Variants in RXFP1 observed in about 807,000 individuals in gnomAD.
The protein encoded by RXFP1 is relaxin family peptide receptor 1.
A neutral mutation model predicts 89.8 loss-of-function variants in RXFP1; 73 were observed. The ratio of observed to expected loss-of-function variants is 0.81; its 90% CI spans 0.67 to 0.99. The LOEUF is 0.99. Ranked by LOEUF, RXFP1 falls within the 50% of genes least tolerant of loss-of-function variation. The pLI, the probability that RXFP1 is intolerant of heterozygous loss-of-function variation, is 0.00. For missense variants in RXFP1, 793 were observed against 895.5 expected (o/e 0.89, Z 1.46); for synonymous variants, 277 against 305.5 (o/e 0.91, Z 0.97).
intron 1 of RXFP1, among the ~76,000 whole-genome samples, chr4:158,570,254 G>T (rs1038828337): frequency 1.3e-5 from 2 of 152,182 alleles, no homozygotes; most frequent in African/African-American, 2.4e-5. Context: ...GAGGGGGAAT[G>T]GTAGTGATGG....
At position 158,584,957 on chromosome 4, in the gene RXFP1, A is replaced by T. The variant is rs191215176; in HGVS notation, c.188-8444A>T. On this transcript the variant is annotated intron_variant, in intron 2 of 17. Coordinates refer to ENST00000307765, the MANE Select transcript of RXFP1 (RefSeq NM_021634.4). The stretch of plus-strand genomic sequence containing the variant: ...CGTTGGCAGACATCTAATCACTTGG[A>T]AGGCTCGTTAAAACATAGATTGCTG... 2.0e-5 allele frequency among the ~76,000 whole-genome samples: 3 copies of T among 152,352 alleles called. No homozygotes were observed. The East Asian group carries it at 5.8e-4, about 29-fold the overall frequency.
At chr4:158,632,225 A>G (rs1768186084) in intron 11 of RXFP1, among the ~76,000 whole-genome samples, 1 of 152,230 alleles carries the variant, frequency 6.6e-6, no homozygotes, top group Admixed American at 6.5e-5. Flanking sequence ...AATAGTCTCC[A>G]GGTTCAGTTT....
chr4:158,560,924 C>T (rs1427714663), intron 1 of RXFP1, among the ~76,000 whole-genome samples: 3 of 152,092 alleles, frequency 2.0e-5, no homozygotes, highest in South Asian at 2.1e-4. Flanking sequence ...ACTTCTTTAA[C>T]GGAAGGGCAG....
In RXFP1 at chr4:158,639,267, GA is replaced by G; in HGVS notation, c.1053del (p.Ile353LeufsTer15). On this transcript the variant is annotated frameshift_variant, in exon 14 of 18. Coordinates refer to ENST00000307765, the MANE Select transcript of RXFP1 (RefSeq NM_021634.4). LOFTEE classifies it high-confidence loss of function. ...YLVKLKSLSLEGIEISNIQQR... is the reference protein window; with the variant it reads ...YLVKLKSLSLXGIEISNIQQR... ...TTAATTTGATATTTTTAGCAGCCTA[GA>G]AGGGATTGAAATTTCAAATATCCAA... The G allele has an allele frequency of 6.5e-7, 1 of 1,541,234 alleles. No homozygotes were observed. The highest frequency in any genetic ancestry group is 9.0e-7 in the Non-Finnish European group (1 of 1,113,882).
chr4:158,620,196 A>G (rs1239451188), intron 9 of RXFP1, among the ~76,000 whole-genome samples: 1 of 152,250 alleles, frequency 6.6e-6, no homozygotes, highest in Admixed American at 6.5e-5. Flanking sequence ...CAGCCTTAGC[A>G]GCAGAATGAA....
chr4:158,609,042 G>A (rs1763066303), intron 6 of RXFP1, among the ~76,000 whole-genome samples: 2 of 152,148 alleles, frequency 1.3e-5, no homozygotes, highest in Non-Finnish European at 2.9e-5. Context: ...TCTGTCAGTG[G>A]ACATTTGGGT....
chr4:158,573,278 G>T (rs1439811898), intron 2 of RXFP1, among the ~76,000 whole-genome samples: 1 of 152,082 alleles, frequency 6.6e-6, no homozygotes, highest in Non-Finnish European at 1.5e-5. Context: ...ATAGTGCCGG[G>T]ATTACAGGCA....
chr4:158,643,276 T>C (rs564581969), intron 14 of RXFP1, among the ~76,000 whole-genome samples: 15 of 152,162 alleles, frequency 9.9e-5, no homozygotes, highest in Middle Eastern at 3.4e-3. Flanking sequence ...AGAAAAGAAA[T>C]TATTTGGGGC....
chr4:158,567,394 T>C (rs1753820634), intron 1 of RXFP1, among the ~76,000 whole-genome samples: 1 of 152,230 alleles, frequency 6.6e-6, no homozygotes, highest in Non-Finnish European at 1.5e-5. Flanking sequence ...AGAATCTTTA[T>C]GTCTAGCTAA....
At chr4:158,625,366 T>A (rs1766500555) in intron 9 of RXFP1, among the ~76,000 whole-genome samples, 1 of 144,920 alleles carries the variant, frequency 6.9e-6, no homozygotes, top group East Asian at 1.9e-4. Context: ...CTGTGCTAAA[T>A]ACCTGTAGTA....
intron 2 of RXFP1, among the ~76,000 whole-genome samples, chr4:158,577,018 CT>C (rs2150012650): frequency 6.8e-6 from 1 of 146,940 alleles, no homozygotes; most frequent in Non-Finnish European, 1.5e-5. Flanking sequence ...TTCTTTTCTT[CT>C]TCTTCTTCTT....
At chr4:158,609,211 AT>A (rs1763099192) in intron 6 of RXFP1, among the ~76,000 whole-genome samples, 3 of 152,122 alleles carry the variant, frequency 2.0e-5, no homozygotes, top group Admixed American at 2.0e-4. Flanking sequence ...AGGGACTGTC[AT>A]TTGATTTGAT....
chr4:158,534,373 G>A (rs1477913430), intron 1 of RXFP1, among the ~76,000 whole-genome samples: 3 of 151,062 alleles, frequency 2.0e-5, no homozygotes, highest in Non-Finnish European at 2.9e-5. Context: ...TCAGCCTCCC[G>A]AGTAACTGGG....
chr4:158,579,034 C>A (rs1379166304), intron 2 of RXFP1, among the ~76,000 whole-genome samples: 1 of 147,360 alleles, frequency 6.8e-6, no homozygotes, highest in African/African-American at 2.5e-5. Context: ...ATGACAGTGT[C>A]CTCGCAAGAG....
rs551632240 is a variant in RXFP1 at position 158,639,597 on chromosome 4, C to T, written c.1115+266C>T. On this transcript the variant is annotated intron_variant, in intron 14 of 17. Coordinates refer to ENST00000307765, the MANE Select transcript of RXFP1 (RefSeq NM_021634.4). ...TTAGAAAACAGACTCTGGTCCAGGC[C>T]AGTGGCTCATGCCTGTAATCCCAGC... Among the ~76,000 whole-genome samples the T allele has an allele frequency of 6.6e-5, 10 of 152,236 alleles. 1 individual carries two copies. The highest frequency in any genetic ancestry group is 2.4e-4 in the African/African-American group (10 of 41,540).
intron 1 of RXFP1, among the ~76,000 whole-genome samples, chr4:158,550,960 T>C (rs1295370475): frequency 2.0e-5 from 3 of 151,844 alleles, no homozygotes; most frequent in Admixed American, 6.6e-5. Context: ...ACCTAAAACA[T>C]ATTAAATGCT....
At chr4:158,651,530 A>G (rs1027428070) in intron 17 of RXFP1, among the ~76,000 whole-genome samples, 3 of 152,218 alleles carry the variant, frequency 2.0e-5, no homozygotes, top group Non-Finnish European at 2.9e-5. Flanking sequence ...AAGAAGAGCT[A>G]CTTAGCAAAG....
At chr4:158,550,908 G>T (rs907302419) in intron 1 of RXFP1, among the ~76,000 whole-genome samples, 1 of 151,814 alleles carries the variant, frequency 6.6e-6, no homozygotes, top group Non-Finnish European at 1.5e-5. Context: ...GGAGTTTTAT[G>T]AAGATAAAGT....
At chr4:158,645,428 T>C (rs986773140) in intron 15 of RXFP1, among the ~76,000 whole-genome samples, 4 of 152,216 alleles carry the variant, frequency 2.6e-5, no homozygotes, top group Non-Finnish European at 5.9e-5. Context: ...TTGACGCATC[T>C]AAAATCTTTT....
Sources: gnomAD v4.1 joint callset for allele counts (sites outside exome capture counted in the v4.1 genomes callset) on GRCh38, gnomAD v4.1.1 for gene constraint, MANE v1.5 for transcripts, NCBI Gene and HGNC (gene_info 2026-07-23, HGNC 2026-07-21) for gene names.